Variants in MCTP1 observed in about 807,000 individuals in gnomAD.
MCTP1 encodes the protein multiple C2 and transmembrane domain containing 1.
Under a neutral mutation model 120.6 loss-of-function variants are expected in MCTP1, and 69 were observed. That is an observed-to-expected ratio of 0.57 (90% CI 0.47 to 0.70). The LOEUF (loss-of-function observed/expected upper bound fraction) is 0.70, where lower values mean the gene tolerates loss of function less well. Ranked by LOEUF, MCTP1 falls within the 30% of genes least tolerant of loss-of-function variation. The pLI is 0.00. For synonymous variants in MCTP1, 529 were observed against 493.1 expected (o/e 1.07, Z -0.96); for missense variants, 1,203 against 1,248.8 (o/e 0.96, Z 0.55).
chr5:95,081,642 G>T, intron 1 of MCTP1: 1 of 1,325,966 alleles, frequency 7.5e-7, no homozygotes, highest in Non-Finnish European at 9.7e-7. Flanking sequence ...CAGCGACTTG[G>T]AATGAAAGTA....
chr5:94,716,393 T>TA (rs75209507), intron 19 of MCTP1, among the ~76,000 whole-genome samples: 4,710 of 135,336 alleles, frequency 0.035, 89 homozygotes, highest in Non-Finnish European at 0.039. Flanking sequence ...CACTCTCCAG[T>TA]AAAAAAAAAA....
chr5:95,038,954 T>C (rs1841841734), intron 1 of MCTP1, among the ~76,000 whole-genome samples: 1 of 152,104 alleles, frequency 6.6e-6, no homozygotes, highest in South Asian at 2.1e-4. Context: ...TCTATAATAC[T>C]TCCACATTTC....
intron 2 of MCTP1, among the ~76,000 whole-genome samples, chr5:94,986,542 C>CTCTG (rs1264803276): frequency 6.6e-6 from 1 of 152,188 alleles, no homozygotes; most frequent in Non-Finnish European, 1.5e-5. Flanking sequence ...CAGAGTCTCA[C>CTCTG]TCTGTCACCC....
At chr5:94,895,052 T>C (rs962869337) in intron 10 of MCTP1, among the ~76,000 whole-genome samples, 29 of 152,092 alleles carry the variant, frequency 1.9e-4, no homozygotes, top group Non-Finnish European at 2.8e-4. Context: ...CAAAAAAATA[T>C]GTTAATCTGA....
intron 1 of MCTP1, among the ~76,000 whole-genome samples, chr5:95,165,690 G>C (rs1454960472): frequency 6.6e-6 from 1 of 152,200 alleles, no homozygotes; most frequent in Non-Finnish European, 1.5e-5. Context: ...AACTTAACCA[G>C]AAGGATCAAC....
At chr5:94,908,830 G>C (rs960973753) in intron 10 of MCTP1, among the ~76,000 whole-genome samples, 6 of 152,012 alleles carry the variant, frequency 3.9e-5, no homozygotes, top group African/African-American at 1.4e-4. Context: ...GAACTCCAAG[G>C]AGATTACAAG....
At chr5:95,199,775 C>A (rs1011326816) in intron 1 of MCTP1, among the ~76,000 whole-genome samples, 10 of 151,696 alleles carry the variant, frequency 6.6e-5, no homozygotes, top group Non-Finnish European at 1.5e-4. Flanking sequence ...AAGAGAATTG[C>A]ATGAACTCAG....
intron 1 of MCTP1, among the ~76,000 whole-genome samples, chr5:95,216,578 A>T (rs1354482019): frequency 1.3e-5 from 2 of 152,330 alleles, no homozygotes; most frequent in African/African-American, 2.4e-5. Flanking sequence ...CTCCTTAGGC[A>T]TTCAGAGGAA....
chr5:94,983,884 A>G (rs1829982441), intron 2 of MCTP1, among the ~76,000 whole-genome samples: 1 of 152,330 alleles, frequency 6.6e-6, no homozygotes, highest in Middle Eastern at 3.4e-3. Flanking sequence ...TGAGAGCTCT[A>G]TGATGGAAGA....
chr5:94,756,376 T>C (rs1194387921), intron 19 of MCTP1, among the ~76,000 whole-genome samples: 1 of 152,124 alleles, frequency 6.6e-6, no homozygotes, highest in East Asian at 1.9e-4. Flanking sequence ...GGTGGCTAAT[T>C]TGAGGTCTGT....
At chr5:94,943,125 G>A (rs1818125199) in intron 3 of MCTP1, among the ~76,000 whole-genome samples, 1 of 152,012 alleles carries the variant, frequency 6.6e-6, no homozygotes, top group South Asian at 2.1e-4. Flanking sequence ...TGGAGGGTCT[G>A]GGATGGCCTA....
intron 19 of MCTP1, among the ~76,000 whole-genome samples, chr5:94,723,227 T>C (rs1162053346): frequency 6.6e-6 from 1 of 152,178 alleles, no homozygotes; most frequent in Non-Finnish European, 1.5e-5. Context: ...CTCTTCCTGA[T>C]ATTAGCCTTG....
intron 1 of MCTP1, among the ~76,000 whole-genome samples, chr5:95,056,217 C>A (rs1190340449): frequency 6.6e-6 from 1 of 152,146 alleles, no homozygotes. Context: ...ATTATTAGCT[C>A]TTAATACATC....
intron 17 of MCTP1, among the ~76,000 whole-genome samples, chr5:94,808,118 C>G (rs543939327): frequency 4.3e-4 from 66 of 152,232 alleles, no homozygotes; most frequent in African/African-American, 1.5e-3. Flanking sequence ...AGTCAGGCTC[C>G]ACCACATCAT....
intron 7 of MCTP1, among the ~76,000 whole-genome samples, chr5:94,920,272 GTTTTTTTTT>G (rs5869657): frequency 1.6e-5 from 2 of 128,210 alleles, no homozygotes; most frequent in South Asian, 2.6e-4. Context: ...ACAGAGACCT[GTTTTTTTTT>G]TTTTTTTTTG....
chr5:95,203,947 G>A (rs531941977), intron 1 of MCTP1, among the ~76,000 whole-genome samples: 49 of 152,128 alleles, frequency 3.2e-4, no homozygotes, highest in Non-Finnish European at 2.8e-4. Context: ...TTAGATTTTT[G>A]TAAATGTGTA....
chr5:94,791,043 C>T (rs1778785064), intron 18 of MCTP1, among the ~76,000 whole-genome samples: 1 of 142,176 alleles, frequency 7.0e-6, no homozygotes, highest in Non-Finnish European at 1.5e-5. Context: ...GAGGCCGAGG[C>T]AGGCAGATCA....
chr5:94,913,917 CAG>C (rs1454387858), intron 8 of MCTP1, among the ~76,000 whole-genome samples: 3 of 151,740 alleles, frequency 2.0e-5, no homozygotes, highest in Non-Finnish European at 2.9e-5. Context: ...CTTGGTTGAC[CAG>C]GCTGGAGTGC....
chr5:95,233,101 C>A (rs1452305504), intron 1 of MCTP1, among the ~76,000 whole-genome samples: 1 of 152,170 alleles, frequency 6.6e-6, no homozygotes, highest in Non-Finnish European at 1.5e-5. Context: ...AACAACACAA[C>A]CTGACCTGAC....
Sources: gnomAD v4.1 joint callset for allele counts (sites outside exome capture counted in the v4.1 genomes callset) on GRCh38, gnomAD v4.1.1 for gene constraint, MANE v1.5 for transcripts, NCBI Gene and HGNC (gene_info 2026-07-23, HGNC 2026-07-21) for gene names.